Variants in SNTG1 observed in about 807,000 individuals in gnomAD.
SNTG1 encodes gamma-1-syntrophin.
Under a neutral mutation model 74.7 loss-of-function variants are expected in SNTG1, and 39 were observed. The ratio of observed to expected loss-of-function variants is 0.52; its 90% CI spans 0.40 to 0.68. SNTG1 has a LOEUF of 0.68. SNTG1 is among the 30% of genes least tolerant of loss of function. The probability of loss-of-function intolerance (pLI) is 0.00; values close to 1 mark genes in which losing one functional copy is unlikely to be tolerated. For synonymous variants in SNTG1, 254 were observed against 217.1 expected (o/e 1.17, Z -1.49); for missense variants, 685 against 609.5 (o/e 1.12, Z -1.30).
chr8:50,400,607 A>G (rs768265924), intron 3 of SNTG1, among the ~76,000 whole-genome samples: 2 of 152,164 alleles, frequency 1.3e-5, no homozygotes, highest in Admixed American at 1.3e-4. Context: ...ACTAATTTAC[A>G]TTTCCACTAA....
chr8:50,337,027 C>T (rs865930978), intron 2 of SNTG1, among the ~76,000 whole-genome samples: 28 of 152,216 alleles, frequency 1.8e-4, no homozygotes, highest in African/African-American at 6.0e-4. Context: ...TCAAAAGTTC[C>T]GTACAGAAAA....
chr8:50,542,238 C>A (rs1252984251), intron 11 of SNTG1, among the ~76,000 whole-genome samples: 1 of 150,034 alleles, frequency 6.7e-6, no homozygotes, highest in South Asian at 2.1e-4. Context: ...CTCACTGCAA[C>A]CTCCACCCCC....
At chr8:50,640,774 A>C (rs2095067658) in intron 13 of SNTG1, among the ~76,000 whole-genome samples, 1 of 152,114 alleles carries the variant, frequency 6.6e-6, no homozygotes, top group Non-Finnish European at 1.5e-5. Context: ...TCTCATGTTC[A>C]AACCCCACAC....
intron 1 of SNTG1, among the ~76,000 whole-genome samples, chr8:49,996,556 A>G (rs1814238334): frequency 6.6e-6 from 1 of 152,122 alleles, no homozygotes; most frequent in African/African-American, 2.4e-5. Flanking sequence ...TAAAATACAG[A>G]ATATACTTTC....
chr8:50,761,646 G>A (rs1347486609), intron 18 of SNTG1, among the ~76,000 whole-genome samples: 2 of 148,862 alleles, frequency 1.3e-5, no homozygotes, highest in Non-Finnish European at 3.0e-5. Context: ...TAATTATCTT[G>A]TCTTATGATC....
At chr8:50,443,406 A>G (rs1262388192) in intron 5 of SNTG1, among the ~76,000 whole-genome samples, 2 of 152,204 alleles carry the variant, frequency 1.3e-5, no homozygotes, top group African/African-American at 2.4e-5. Flanking sequence ...AAATAAATGT[A>G]TGCAATCAAA....
chr8:50,364,476 A>G (rs2092051014), intron 2 of SNTG1, among the ~76,000 whole-genome samples: 1 of 152,092 alleles, frequency 6.6e-6, no homozygotes. Context: ...ATGACGGTTT[A>G]TGTATATTCT....
intron 2 of SNTG1, among the ~76,000 whole-genome samples, chr8:50,296,926 C>T (rs934638928): frequency 3.3e-5 from 5 of 152,072 alleles, no homozygotes; most frequent in African/African-American, 1.2e-4. Context: ...AATATTTGTC[C>T]CACATAGCTC....
At chr8:50,420,213 T>C (rs1256571649) in intron 4 of SNTG1, among the ~76,000 whole-genome samples, 1 of 152,110 alleles carries the variant, frequency 6.6e-6, no homozygotes, top group African/African-American at 2.4e-5. Context: ...GTCAAACAAA[T>C]TCATGTCAAT....
chr8:50,291,235 C>G (rs1336517963), intron 2 of SNTG1, among the ~76,000 whole-genome samples: 1 of 107,340 alleles, frequency 9.3e-6, no homozygotes, highest in East Asian at 3.4e-4. Context: ...GAGAGAGAGA[C>G]AGACATATGT....
intron 5 of SNTG1, among the ~76,000 whole-genome samples, chr8:50,446,756 TA>T (rs1473101757): frequency 2.0e-5 from 3 of 152,122 alleles, no homozygotes; most frequent in Non-Finnish European, 4.4e-5. Context: ...ATTTTACATA[TA>T]AGAGAAAAAC....
chr8:50,330,579 C>G (rs902800126), intron 2 of SNTG1, among the ~76,000 whole-genome samples: 1 of 152,212 alleles, frequency 6.6e-6, no homozygotes, highest in Non-Finnish European at 1.5e-5. Flanking sequence ...ATCTTTACAG[C>G]AGTACCCCAC....
intron 9 of SNTG1, among the ~76,000 whole-genome samples, chr8:50,513,066 G>C (rs2094097846): frequency 6.6e-6 from 1 of 152,118 alleles, no homozygotes; most frequent in Non-Finnish European, 1.5e-5. Flanking sequence ...TTTGGTCTTT[G>C]ATGATGGTGA....
intron 2 of SNTG1, among the ~76,000 whole-genome samples, chr8:50,230,957 A>G (rs1586779553): frequency 2.0e-5 from 3 of 151,370 alleles, no homozygotes. Flanking sequence ...TGAACAGTCA[A>G]CCTTCAGACT....
intron 1 of SNTG1, among the ~76,000 whole-genome samples, chr8:50,013,466 GA>G (rs1263292108): frequency 8.7e-5 from 5 of 57,392 alleles, no homozygotes; most frequent in African/African-American, 2.8e-4. Context: ...GGGATAGAGA[GA>G]TAGATAGATA....
chr8:50,535,398 C>A (rs1162222845), intron 10 of SNTG1, among the ~76,000 whole-genome samples: 1 of 152,124 alleles, frequency 6.6e-6, no homozygotes, highest in African/African-American at 2.4e-5. Context: ...TCTGACCTCA[C>A]ATCACATGCC....
At chr8:50,244,362 T>C (rs1205659499) in intron 2 of SNTG1, among the ~76,000 whole-genome samples, 1 of 152,020 alleles carries the variant, frequency 6.6e-6, no homozygotes, top group African/African-American at 2.4e-5. Flanking sequence ...TTTTAGTAAG[T>C]GGGGAGATTC....
At chr8:50,306,471 A>T (rs544313349) in intron 2 of SNTG1, among the ~76,000 whole-genome samples, 1 of 152,074 alleles carries the variant, frequency 6.6e-6, no homozygotes, top group Non-Finnish European at 1.5e-5. Flanking sequence ...AATAATTTCC[A>T]TACTATTTTC....
chr8:50,571,835 G>T (rs190679789), intron 12 of SNTG1, among the ~76,000 whole-genome samples: 1 of 152,252 alleles, frequency 6.6e-6, no homozygotes, highest in Non-Finnish European at 1.5e-5. Context: ...AAGGCCATTA[G>T]AAAATTACAA....
Sources: allele counts gnomAD v4.1 joint callset (sites outside exome capture counted in the v4.1 genomes callset), GRCh38; gene constraint gnomAD v4.1.1; transcripts MANE v1.5; gene names NCBI Gene and HGNC (gene_info 2026-07-23, HGNC 2026-07-21).